The following TTC29 variants were observed in gnomAD, a reference collection of about 807,000 sequenced individuals.
TTC29 encodes the protein tetratricopeptide repeat protein 29.
In TTC29, 49 loss-of-function variants were observed where a neutral mutation model predicts 58.1. The observed-to-expected ratio is 0.84, with a 90% confidence interval of 0.67 to 1.07. The LOEUF (loss-of-function observed/expected upper bound fraction) is 1.07, where lower values mean the gene tolerates loss of function less well. Among genes scored for constraint, TTC29 ranks in the 50% least tolerant of loss-of-function variants. TTC29 has a pLI of 0.00. For missense variants in TTC29, 582 were observed against 555.6 expected, an observed-to-expected ratio of 1.05 and a Z score of -0.48; for synonymous variants, 209 against 196.8, an observed-to-expected ratio of 1.06 and a Z score of -0.52.
intron 6 of TTC29, among the ~76,000 whole-genome samples, chr4:146,878,603 T>G (rs1156592834): frequency 6.6e-6 from 1 of 152,170 alleles, no homozygotes; most frequent in Non-Finnish European, 1.5e-5. Flanking sequence ...TTCCACCACA[T>G]CAGATACTAG....
rs573452450 is a variant in TTC29, at chr4:146,899,597, C to T, written c.586+3947G>A. ...ACCAGGCCATGCCGCACACCAAAGA[C>T]CCATTTTTAGCAGCAGTGGGGACTT... is the stretch of plus-strand genomic sequence containing the variant. On this transcript the variant is annotated intron_variant, in intron 6 of 12. Coordinates refer to ENST00000325106, the MANE Select transcript of TTC29 (RefSeq NM_031956.4). Among the ~76,000 whole-genome samples the T allele has an allele frequency of 3.3e-5, 5 of 152,250 alleles. No homozygotes were observed. The East Asian group carries it at 5.8e-4, about 18-fold the overall frequency.
At chr4:146,803,130 G>A (rs1750349106) in intron 11 of TTC29, among the ~76,000 whole-genome samples, 1 of 151,918 alleles carries the variant, frequency 6.6e-6, no homozygotes. Context: ...CATGGCGCAT[G>A]CTAAAAAAGC....
At chr4:146,783,071 TTTAAC>T (rs1474268011) in intron 11 of TTC29, among the ~76,000 whole-genome samples, 7 of 152,032 alleles carry the variant, frequency 4.6e-5, no homozygotes, top group Admixed American at 1.3e-4. Flanking sequence ...AAATTTTCTT[TTTAAC>T]TTATTTGTTT....
intron 11 of TTC29, among the ~76,000 whole-genome samples, chr4:146,745,703 C>T (rs184061310): frequency 6.6e-6 from 1 of 152,294 alleles, no homozygotes; most frequent in Non-Finnish European, 1.5e-5. Context: ...CTTCTGACCA[C>T]CCCACATTGA....
At chr4:146,919,159 T>C (rs1734424585) in intron 4 of TTC29, among the ~76,000 whole-genome samples, 1 of 151,118 alleles carries the variant, frequency 6.6e-6, no homozygotes, top group Admixed American at 6.6e-5. Context: ...TAAATGAGTG[T>C]TAAAGGAGAA....
At chr4:146,918,179 C>A (rs926441186) in intron 4 of TTC29, among the ~76,000 whole-genome samples, 13 of 150,734 alleles carry the variant, frequency 8.6e-5, no homozygotes, top group African/African-American at 2.7e-4. Flanking sequence ...TAAAGAAAAG[C>A]ATAGTCAGAA....
intron 11 of TTC29, among the ~76,000 whole-genome samples, chr4:146,732,092 G>A (rs1264690281): frequency 6.6e-6 from 1 of 152,116 alleles, no homozygotes; most frequent in African/African-American, 2.4e-5. Flanking sequence ...ATGTAATTCT[G>A]AGTAGTGCTG....
At chr4:146,855,975 T>C (rs1729826273) in intron 8 of TTC29, among the ~76,000 whole-genome samples, 1 of 152,222 alleles carries the variant, frequency 6.6e-6, no homozygotes, top group Admixed American at 6.5e-5. Context: ...AGCTGTGCGT[T>C]GCCTCTAGGT....
At chr4:146,845,683 C>T (rs1247239441) in intron 8 of TTC29, among the ~76,000 whole-genome samples, 1 of 152,084 alleles carries the variant, frequency 6.6e-6, no homozygotes, top group East Asian at 1.9e-4. Context: ...GGAATCTCAC[C>T]CCAGCCGTAC....
At chr4:146,780,699 CAT>C (rs1004791049) in intron 11 of TTC29, among the ~76,000 whole-genome samples, 3 of 151,186 alleles carry the variant, frequency 2.0e-5, no homozygotes, top group East Asian at 2.0e-4. Flanking sequence ...CACACACACA[CAT>C]ATATATAATA....
chr4:146,767,447 C>T (rs1473158022), intron 11 of TTC29, among the ~76,000 whole-genome samples: 1 of 151,962 alleles, frequency 6.6e-6, no homozygotes, highest in Non-Finnish European at 1.5e-5. Context: ...TGCTTCAGGG[C>T]CTTGTTAATG....
At position 146,874,700 on chromosome 4, in the gene TTC29, G is replaced by C. The variant is rs371274181; in HGVS notation, c.799+16C>G. ...CCATTAAAGAAAGCAATGTGAGAGA[G>C]TTCTTTTCCACCCACCTTCTTTGGC... On this transcript the variant is annotated intron_variant, in intron 7 of 12. Transcript: ENST00000325106. The C allele has an allele frequency of 5.3e-5, 84 of 1,577,506 alleles. No individual in the cohort carries two copies. In the African/African-American group the frequency reaches 9.3e-4, roughly 17 times the overall value.
chr4:146,731,265 A>G (rs1744310437), intron 11 of TTC29, among the ~76,000 whole-genome samples: 1 of 152,016 alleles, frequency 6.6e-6, no homozygotes, highest in African/African-American at 2.4e-5. Context: ...GTTGAGAGCA[A>G]ATATAGGGAG....
At position 146,845,339 on chromosome 4, in the gene TTC29, G is replaced by C. The variant is rs190578631; in HGVS notation, c.886-11442C>G. On this transcript the variant is annotated intron_variant, in intron 8 of 12. Coordinates refer to ENST00000325106, the MANE Select transcript of TTC29 (RefSeq NM_031956.4). ...CAAGAGAAATAGGCCAGTAGACACAGGTTACATACAATGATTAGTGACATC... is the reference window on the plus strand; with the variant it reads ...CAAGAGAAATAGGCCAGTAGACACACGTTACATACAATGATTAGTGACATC... Among the ~76,000 whole-genome samples the C allele has an allele frequency of 3.0e-3, 458 of 152,216 alleles. 3 individuals carry two copies. Among genetic ancestry groups the C allele is most frequent in the African/African-American group, 0.011 (438 of 41,548 alleles).
intron 11 of TTC29, among the ~76,000 whole-genome samples, chr4:146,763,594 G>A (rs56403071): frequency 0.022 from 3,415 of 152,194 alleles, 63 homozygotes; most frequent in African/African-American, 0.048. Flanking sequence ...AAGGCAACAC[G>A]ATGAGCAGGT....
chr4:146,737,011 T>C (rs1055370528), intron 11 of TTC29, among the ~76,000 whole-genome samples: 2 of 152,110 alleles, frequency 1.3e-5, no homozygotes, highest in Non-Finnish European at 2.9e-5. Flanking sequence ...CCAAGGTAAA[T>C]GGACAACATC....
At chr4:146,916,241 A>G (rs1044645798) in intron 4 of TTC29, among the ~76,000 whole-genome samples, 4 of 151,886 alleles carry the variant, frequency 2.6e-5, no homozygotes, top group East Asian at 1.9e-4. Context: ...TAAAAATTAT[A>G]TGAGTTGTTT....
chr4:146,905,136 G>A lies in TTC29; in HGVS notation c.401-1407C>T, dbSNP rs554242403. On this transcript the variant is annotated intron_variant, in intron 5 of 12. Transcript: ENST00000325106. ...GCATGACCTAAGCTATTTATCTGAC[G>A]CAAATACTCCCACCTCAGAATACTT... Among the ~76,000 whole-genome samples the A allele has an allele frequency of 9.2e-5, 14 of 152,160 alleles. No homozygotes were observed. In the South Asian group the frequency reaches 1.9e-3, roughly 20 times the overall value.
chr4:146,937,737 CA>C, intron 3 of TTC29, 60 bp from the exon 4 acceptor site: 2 of 956,502 alleles, frequency 2.1e-6, no homozygotes, highest in South Asian at 3.3e-5. Flanking sequence ...AGCTACCAAA[CA>C]CATAAAATGC....
Sources: allele counts gnomAD v4.1 joint callset (sites outside exome capture counted in the v4.1 genomes callset), GRCh38; gene constraint gnomAD v4.1.1; transcripts MANE v1.5; gene names NCBI Gene and HGNC (gene_info 2026-07-23, HGNC 2026-07-21).